Variants in SNX29 observed in about 807,000 individuals in gnomAD.
The protein encoded by SNX29 is sorting nexin-29.
A neutral mutation model predicts 102.1 loss-of-function variants in SNX29; 78 were observed. That is an observed-to-expected ratio of 0.76 (90% CI 0.64 to 0.92). SNX29 has a LOEUF of 0.92. Ranked by LOEUF, SNX29 falls within the 40% of genes least tolerant of loss-of-function variation. The pLI, the probability that SNX29 is intolerant of heterozygous loss-of-function variation, is 0.00. For missense variants in SNX29, 1,280 were observed against 1,061.7 expected (o/e 1.21, Z -2.86); for synonymous variants, 580 against 414.5 (o/e 1.40, Z -4.85).
intron 14 of SNX29, among the ~76,000 whole-genome samples, chr16:12,241,293 A>G (rs529212871): frequency 6.6e-6 from 1 of 152,344 alleles, no homozygotes; most frequent in East Asian, 1.9e-4. Flanking sequence ...AAACTGGCTT[A>G]AAATTGAAGC....
intron 18 of SNX29, among the ~76,000 whole-genome samples, chr16:12,428,033 G>T (rs2151615729): frequency 6.6e-6 from 1 of 152,296 alleles, no homozygotes; most frequent in South Asian, 2.1e-4. Context: ...TAATTTGTTG[G>T]ATATAAATGT....
At chr16:12,173,257 A>G (rs1258329132) in intron 13 of SNX29, among the ~76,000 whole-genome samples, 1 of 152,196 alleles carries the variant, frequency 6.6e-6, no homozygotes, top group Non-Finnish European at 1.5e-5. Flanking sequence ...TCCAACAGCC[A>G]GGCTTGCAGA....
At chr16:12,490,898 C>A (rs1262644254) in intron 19 of SNX29, among the ~76,000 whole-genome samples, 1 of 152,232 alleles carries the variant, frequency 6.6e-6, no homozygotes, top group Non-Finnish European at 1.5e-5. Flanking sequence ...TACAGCTAAA[C>A]CCTCTTTGCA....
At chr16:12,233,633 C>A (rs952530364) in intron 14 of SNX29, among the ~76,000 whole-genome samples, 5 of 152,292 alleles carry the variant, frequency 3.3e-5, no homozygotes, top group Middle Eastern at 3.4e-3. Flanking sequence ...AGATATAATT[C>A]ACATGCCATA....
intron 20 of SNX29, among the ~76,000 whole-genome samples, chr16:12,547,512 G>A (rs1334330472): frequency 6.6e-6 from 1 of 152,054 alleles, no homozygotes; most frequent in African/African-American, 2.4e-5. Flanking sequence ...TTTCAATGTG[G>A]GTGTGAGAGA....
chr16:11,995,675 A>T (rs1424078453), intron 1 of SNX29, among the ~76,000 whole-genome samples: 1 of 149,414 alleles, frequency 6.7e-6, no homozygotes, highest in East Asian at 2.0e-4. Context: ...GACATCGAGG[A>T]TCATTGTGCA....
Position 12,126,034 on chromosome 16 carries a change from T to C in SNX29, c.1403-599T>C, listed in dbSNP as rs142148082. Among the ~76,000 whole-genome samples, 7 of 152,278 alleles carry C rather than the reference T, an allele frequency of 4.6e-5. No individual in the cohort carries two copies. The East Asian group carries it at 1.4e-3, about 29-fold the overall frequency. On this transcript the variant is annotated intron_variant, in intron 11 of 20. Transcript: ENST00000566228. ...TCACACTTCAGAAAATTCTACTATC[T>C]AGTCTGCTGCTCTAGGGCATAGATC... is the stretch of plus-strand genomic sequence containing the variant.
chr16:12,046,619 T>C (rs2050100699), intron 6 of SNX29, among the ~76,000 whole-genome samples, 165 bp downstream of exon 6: 2 of 152,222 alleles, frequency 1.3e-5, no homozygotes, highest in East Asian at 3.8e-4. Context: ...ATGTTGGTTT[T>C]TTAATTTGTA....
At chr16:12,322,151 T>C (rs2080958808) in intron 15 of SNX29, among the ~76,000 whole-genome samples, 1 of 152,192 alleles carries the variant, frequency 6.6e-6, no homozygotes, top group African/African-American at 2.4e-5. Context: ...AACAAATGCT[T>C]GTCCCTGCGT....
intron 15 of SNX29, among the ~76,000 whole-genome samples, chr16:12,289,507 C>A (rs1024980671): frequency 2.0e-5 from 3 of 152,242 alleles, no homozygotes; most frequent in African/African-American, 7.2e-5. Flanking sequence ...CCACCCTCTC[C>A]GGTGGTGGCG....
chr16:12,395,130 A>G lies in SNX29; in HGVS notation c.1900-3316A>G, dbSNP rs1431409002. Among the ~76,000 whole-genome samples the G allele has an allele frequency of 2.0e-5, 3 of 152,050 alleles. 1 individual carries two copies. Among genetic ancestry groups the G allele is most frequent in the South Asian group, 4.2e-4 (2 of 4,808 alleles). On this transcript the variant is annotated intron_variant, in intron 16 of 20. Coordinates refer to ENST00000566228, the MANE Select transcript of SNX29 (RefSeq NM_032167.5). The stretch of plus-strand genomic sequence containing the variant: ...TCTTCTGTCTTTCCTTTTTATTTAA[A>G]TAAACATTTATTCAGGACATAGTGG...
chr16:12,385,110 C>T (rs145261481), intron 16 of SNX29, among the ~76,000 whole-genome samples: 5 of 152,290 alleles, frequency 3.3e-5, no homozygotes, highest in African/African-American at 1.2e-4. Flanking sequence ...GCAGAGGTTG[C>T]AATGAGCCTG....
At chr16:12,265,749 G>C (rs1440024540) in intron 14 of SNX29, among the ~76,000 whole-genome samples, 1 of 147,150 alleles carries the variant, frequency 6.8e-6, no homozygotes, top group African/African-American at 2.5e-5. Flanking sequence ...AATTATCTGG[G>C]TTTGATGGCA....
chr16:11,985,086 A>T (rs1247298869), intron 1 of SNX29, among the ~76,000 whole-genome samples: 1 of 151,916 alleles, frequency 6.6e-6, no homozygotes, highest in African/African-American at 2.4e-5. Flanking sequence ...CGAAGAGTTT[A>T]TCACTTTTGA....
At chr16:12,102,928 A>T (rs968639341) in intron 11 of SNX29, among the ~76,000 whole-genome samples, 3 of 152,210 alleles carry the variant, frequency 2.0e-5, no homozygotes, top group Non-Finnish European at 4.4e-5. Flanking sequence ...TAGAGAGCCA[A>T]ATCACGAGTG....
intron 3 of SNX29, among the ~76,000 whole-genome samples, chr16:12,012,677 G>T (rs965332904): frequency 2.0e-5 from 3 of 152,062 alleles, no homozygotes; most frequent in African/African-American, 7.3e-5. Flanking sequence ...AAAGTGCTGG[G>T]ATTACAGGCG....
At chr16:12,222,004 G>C (rs1278664464) in intron 14 of SNX29, among the ~76,000 whole-genome samples, 1 of 152,222 alleles carries the variant, frequency 6.6e-6, no homozygotes, top group Non-Finnish European at 1.5e-5. Flanking sequence ...TTCCACGTTA[G>C]GTAGAGAGGA....
At chr16:12,334,198 T>C (rs1323372337) in intron 15 of SNX29, among the ~76,000 whole-genome samples, 1 of 152,184 alleles carries the variant, frequency 6.6e-6, no homozygotes, top group South Asian at 2.1e-4. Context: ...TTTAAAAACC[T>C]AAGCAGTCTG....
intron 16 of SNX29, among the ~76,000 whole-genome samples, chr16:12,376,736 CAAAAAAAAA>C (rs71408262): frequency 1.3e-5 from 1 of 77,936 alleles, no homozygotes; most frequent in Non-Finnish European, 2.3e-5. Context: ...GACTCTGTCT[CAAAAAAAAA>C]AAAAAAAAAA....
Sources: gnomAD v4.1 joint callset for allele counts (sites outside exome capture counted in the v4.1 genomes callset) on GRCh38, gnomAD v4.1.1 for gene constraint, MANE v1.5 for transcripts, NCBI Gene and HGNC (gene_info 2026-07-23, HGNC 2026-07-21) for gene names.